Variants in RIPOR2 observed in about 807,000 individuals in gnomAD.
RIPOR2 encodes the protein rho family-interacting cell polarization regulator 2.
A neutral mutation model predicts 114.5 loss-of-function variants in RIPOR2; 39 were observed. That is an observed-to-expected ratio of 0.34 (90% CI 0.26 to 0.44). RIPOR2 has a LOEUF of 0.44. Ranked by LOEUF, RIPOR2 falls within the 20% of genes least tolerant of loss-of-function variation. The pLI is 1.00. For missense variants in RIPOR2, 1,007 were observed against 1,255.1 expected (o/e 0.80, Z 2.99); for synonymous variants, 445 against 484.4 (o/e 0.92, Z 1.07).
intron 1 of RIPOR2, among the ~76,000 whole-genome samples, chr6:24,884,937 AACTT>A (rs148430643): frequency 6.6e-6 from 1 of 152,302 alleles, no homozygotes; most frequent in Non-Finnish European, 1.5e-5. Flanking sequence ...GAAAAAAAGA[AACTT>A]AATTTTCAGA....
chr6:24,825,803 ACC>A (rs1760125562), intron 18 of RIPOR2, among the ~76,000 whole-genome samples: 1 of 152,130 alleles, frequency 6.6e-6, no homozygotes, highest in Non-Finnish European at 1.5e-5. Flanking sequence ...TTTTAGTCAA[ACC>A]TGTCTGGCAA....
At chr6:24,885,283 C>T (rs943377992) in intron 1 of RIPOR2, among the ~76,000 whole-genome samples, 13 of 152,104 alleles carry the variant, frequency 8.5e-5, no homozygotes, top group African/African-American at 2.7e-4. Flanking sequence ...ATTGCAATGA[C>T]TCAGTCATAG....
chr6:24,961,589 C>A (rs1368640928), intron 1 of RIPOR2, among the ~76,000 whole-genome samples: 2 of 151,472 alleles, frequency 1.3e-5, no homozygotes, highest in African/African-American at 4.8e-5. Context: ...AAGAAAATCC[C>A]TATTTATTTT....
intron 1 of RIPOR2, among the ~76,000 whole-genome samples, chr6:24,900,008 A>C (rs1481491748): frequency 1.3e-5 from 2 of 152,230 alleles, no homozygotes; most frequent in Non-Finnish European, 2.9e-5. Context: ...CTTCTTGATT[A>C]TAATAGAAGC....
intron 1 of RIPOR2, among the ~76,000 whole-genome samples, chr6:25,039,085 A>G (rs1214976575): frequency 6.6e-6 from 1 of 152,256 alleles, no homozygotes; most frequent in Admixed American, 6.5e-5. Context: ...ATGACAAAAT[A>G]ACCCCAAAGG....
intron 12 of RIPOR2, among the ~76,000 whole-genome samples, chr6:24,846,184 T>C (rs1762250411): frequency 6.6e-6 from 1 of 152,162 alleles, no homozygotes; most frequent in South Asian, 2.1e-4. Flanking sequence ...CGGTTGCGTG[T>C]ATAGCTGTGT....
chr6:24,932,616 C>T (rs56850465), intron 1 of RIPOR2, among the ~76,000 whole-genome samples: 8,670 of 152,200 alleles, frequency 0.057, 291 homozygotes, highest in East Asian at 0.11. Flanking sequence ...GAGGATGACT[C>T]ATTGACTCAT....
chr6:24,850,577 A>T lies in RIPOR2; in HGVS notation c.885+20T>A. The T allele has an allele frequency of 1.2e-6, 2 of 1,613,678 alleles. No individual in the cohort carries two copies. The highest frequency in any genetic ancestry group is 1.7e-6 in the Non-Finnish European group (2 of 1,179,794). On this transcript the variant is annotated intron_variant, in intron 10 of 21. Transcript: ENST00000643898. Reference sequence around the variant, plus strand: ...CAGCCGTGGCACCAGGAAAGACAACAGGCAATGACAATACTGTACCTTGAT... The same window carrying T: ...CAGCCGTGGCACCAGGAAAGACAACTGGCAATGACAATACTGTACCTTGAT...
At chr6:24,973,103 C>T (rs956324389) in intron 1 of RIPOR2, among the ~76,000 whole-genome samples, 7 of 152,058 alleles carry the variant, frequency 4.6e-5, no homozygotes, top group African/African-American at 1.7e-4. Context: ...CATCTATTAA[C>T]ATATATTCAT....
At chr6:24,955,390 GC>G (rs1447674551) in intron 1 of RIPOR2, among the ~76,000 whole-genome samples, 2 of 152,110 alleles carry the variant, frequency 1.3e-5, no homozygotes, top group African/African-American at 4.8e-5. Flanking sequence ...GGGCATCTGA[GC>G]CCTGGGGGAC....
intron 1 of RIPOR2, chr6:25,023,701 G>C: frequency 1.3e-6 from 1 of 766,604 alleles, no homozygotes; most frequent in Non-Finnish European, 2.4e-6. Flanking sequence ...TGTCAGTACA[G>C]CCCACACCGT....
intron 1 of RIPOR2, among the ~76,000 whole-genome samples, chr6:24,947,644 T>G (rs1397400523): frequency 6.6e-6 from 1 of 151,928 alleles, no homozygotes; most frequent in Non-Finnish European, 1.5e-5. Flanking sequence ...ACAGTTTAAT[T>G]AGCAGCCTTG....
rs545631927 is a variant in RIPOR2, at chr6:24,890,375, A to G, written c.62-14558T>C. On this transcript the variant is annotated intron_variant, in intron 1 of 21. Transcript: ENST00000643898. Reference sequence around the variant, plus strand: ...AACATGGGTGGAACTGGAGGCCATTATCTTAAGTGAAACAACTCAGACACA... The same window carrying G: ...AACATGGGTGGAACTGGAGGCCATTGTCTTAAGTGAAACAACTCAGACACA... Among the ~76,000 whole-genome samples, 75 of 152,364 alleles carry G rather than the reference A, an allele frequency of 4.9e-4. No homozygotes were observed. In the Middle Eastern group the frequency reaches 0.017, roughly 35 times the overall value.
chr6:24,963,538 TA>T (rs1722983802), intron 1 of RIPOR2, among the ~76,000 whole-genome samples: 1 of 152,182 alleles, frequency 6.6e-6, no homozygotes, highest in African/African-American at 2.4e-5. Flanking sequence ...AATGGACACA[TA>T]TATGTACATA....
chr6:25,012,209 A>T (rs1019026089), intron 1 of RIPOR2, among the ~76,000 whole-genome samples: 1 of 152,226 alleles, frequency 6.6e-6, no homozygotes, highest in Non-Finnish European at 1.5e-5. Flanking sequence ...AAACTAAAAA[A>T]GATAGATAAT....
chr6:24,843,319 T>C lies in RIPOR2; in HGVS notation c.1400A>G (p.Asn467Ser). 5.6e-6 allele frequency: 9 copies of C among 1,613,798 alleles called. No homozygotes were observed. The highest frequency in any genetic ancestry group is 7.6e-6 in the Non-Finnish European group (9 of 1,179,854). The part of the protein sequence containing the change: ...MDDTSSASSR[N>S]SLGEGQEPKS... ...TGGCTCTTGGCCTTCTCCCAGGGAG[T>C]TCCTGGAAGATGCTGAGCTGGTGTC... is the stretch of plus-strand genomic sequence containing the variant. The change falls in exon 13 of 22, where the codon AAC (asparagine) becomes AGC (serine). Residue 467 changes from asparagine (N) to serine (S), a missense_variant. By Grantham distance (46) the Asn-to-Ser change is conservative. Transcript: ENST00000643898.
At chr6:25,010,402 G>A (rs1775729566) in intron 1 of RIPOR2, among the ~76,000 whole-genome samples, 2 of 152,060 alleles carry the variant, frequency 1.3e-5, no homozygotes, top group Non-Finnish European at 2.9e-5. Context: ...GCAGTCTGAC[G>A]CCTTCACCAG....
chr6:24,851,490 T>A (rs1762908791), intron 9 of RIPOR2, among the ~76,000 whole-genome samples: 1 of 152,146 alleles, frequency 6.6e-6, no homozygotes, highest in Admixed American at 6.5e-5. Flanking sequence ...GGGGAAGGTG[T>A]GCAATATCTC....
At chr6:24,952,869 G>A (rs1351350315) in intron 1 of RIPOR2, among the ~76,000 whole-genome samples, 1 of 152,198 alleles carries the variant, frequency 6.6e-6, no homozygotes, top group Non-Finnish European at 1.5e-5. Context: ...TGTAAATAAG[G>A]AGTAGCCATA....
Sources: allele counts gnomAD v4.1 joint callset (sites outside exome capture counted in the v4.1 genomes callset), GRCh38; gene constraint gnomAD v4.1.1; transcripts MANE v1.5; gene names NCBI Gene and HGNC (gene_info 2026-07-23, HGNC 2026-07-21).